CSGALNACT1: variants seen among roughly 807,000 people sequenced by gnomAD.
CSGALNACT1 encodes the protein beta4GalNAcT-1.
In CSGALNACT1, 52 loss-of-function variants were observed where a neutral mutation model predicts 51.0. The ratio of observed to expected loss-of-function variants is 1.02; its 90% CI spans 0.82 to 1.29. The LOEUF (loss-of-function observed/expected upper bound fraction) is 1.29, where lower values mean the gene tolerates loss of function less well. Ranked by LOEUF, CSGALNACT1 falls within the 50% of genes most tolerant of loss-of-function variation. CSGALNACT1 has a pLI of 0.00. For missense variants in CSGALNACT1, 935 were observed against 679.2 expected, an observed-to-expected ratio of 1.38 and a Z score of -4.19; for synonymous variants, 341 against 254.4, an observed-to-expected ratio of 1.34 and a Z score of -3.24.
intron 3 of CSGALNACT1, among the ~76,000 whole-genome samples, chr8:19,508,113 G>C (rs2077723349): frequency 6.6e-6 from 1 of 152,198 alleles, no homozygotes; most frequent in South Asian, 2.1e-4. Context: ...TTTACTGGTA[G>C]TCTATCCTAT....
intron 1 of CSGALNACT1, among the ~76,000 whole-genome samples, chr8:19,615,552 A>G (rs1314132836): frequency 6.6e-6 from 1 of 152,260 alleles, no homozygotes; most frequent in Non-Finnish European, 1.5e-5. Context: ...TATAAGCCAT[A>G]TAACTAAAGC....
At chr8:19,632,556 T>A (rs2055419319) in intron 1 of CSGALNACT1, among the ~76,000 whole-genome samples, 1 of 152,234 alleles carries the variant, frequency 6.6e-6, no homozygotes, top group South Asian at 2.1e-4. Flanking sequence ...GGACGGTAAG[T>A]TTAATTACTT....
chr8:19,693,384 CT>C (rs2061428552), intron 1 of CSGALNACT1, among the ~76,000 whole-genome samples: 1 of 152,092 alleles, frequency 6.6e-6, no homozygotes, highest in Admixed American at 6.6e-5. Context: ...TTCTACCAGC[CT>C]TTGTCATAGT....
chr8:19,405,046 A>T (rs920848602), exon 10 of CSGALNACT1: 2 of 453,342 alleles, frequency 4.4e-6, no homozygotes, highest in South Asian at 3.1e-5. Flanking sequence ...ATCTCAAAGT[A>T]TCTTCTTAAA....
In CSGALNACT1 at chr8:19,534,289, C is replaced by CA. The variant is rs1320985580; in HGVS notation, c.-296-28160dup. Among the ~76,000 whole-genome samples, 8 of 151,764 alleles carry CA rather than the reference C, an allele frequency of 5.3e-5. No homozygotes were observed. In the East Asian group the frequency reaches 1.2e-3, roughly 22 times the overall value. On this transcript the variant is annotated intron_variant, in intron 3 of 9. Coordinates refer to ENST00000454498, the Ensembl canonical transcript of CSGALNACT1. ...CAACACTGTGACACCTCATCTCTAC[C>CA]AAAAAAATACAGAAATTAGCCAGGT...
At chr8:19,657,779 C>T (rs952147766) in intron 1 of CSGALNACT1, among the ~76,000 whole-genome samples, 8 of 152,030 alleles carry the variant, frequency 5.3e-5, no homozygotes, top group Non-Finnish European at 7.4e-5. Flanking sequence ...ACGTAGCATG[C>T]GGGAGGAAAT....
At chr8:19,475,934 A>G (rs1265581750) in intron 4 of CSGALNACT1, among the ~76,000 whole-genome samples, 1 of 152,158 alleles carries the variant, frequency 6.6e-6, no homozygotes, top group East Asian at 1.9e-4. Context: ...CAAAGCCTCC[A>G]TTTCCACAAC....
intron 1 of CSGALNACT1, among the ~76,000 whole-genome samples, chr8:19,682,051 G>A (rs1043378495): frequency 4.8e-4 from 73 of 152,332 alleles, no homozygotes; most frequent in African/African-American, 1.6e-3. Flanking sequence ...CTGTACCACA[G>A]AAAGATTTTG....
intron 3 of CSGALNACT1, among the ~76,000 whole-genome samples, chr8:19,548,965 C>T (rs1222463144): frequency 1.3e-5 from 2 of 151,942 alleles, no homozygotes. Flanking sequence ...ACTACAGGTG[C>T]ATGCCACCAT....
intron 1 of CSGALNACT1, among the ~76,000 whole-genome samples, chr8:19,616,349 C>T (rs1009997672): frequency 3.3e-5 from 5 of 152,082 alleles, no homozygotes; most frequent in Admixed American, 3.3e-4. Context: ...ATTCAGGCAT[C>T]CAGACACTCA....
intron 5 of CSGALNACT1, among the ~76,000 whole-genome samples, chr8:19,443,139 TTG>T (rs1423511204): frequency 6.6e-6 from 1 of 152,144 alleles, no homozygotes; most frequent in Non-Finnish European, 1.5e-5. Flanking sequence ...CATCAGCTAT[TTG>T]TGTTTTGCCC....
intron 4 of CSGALNACT1, among the ~76,000 whole-genome samples, chr8:19,487,990 TCA>T (rs2073395050): frequency 6.6e-6 from 1 of 152,090 alleles, no homozygotes. Context: ...CCCTCTCACC[TCA>T]CATACTGTAA....
intron 5 of CSGALNACT1, chr8:19,457,687 A>T: frequency 7.6e-7 from 1 of 1,310,314 alleles, no homozygotes; most frequent in Non-Finnish European, 1.0e-6. Context: ...TATGTTTAAA[A>T]CAAGCTGGTG....
At chr8:19,468,385 C>G (rs1271839057) in intron 4 of CSGALNACT1, among the ~76,000 whole-genome samples, 1 of 152,198 alleles carries the variant, frequency 6.6e-6, no homozygotes, top group East Asian at 1.9e-4. Flanking sequence ...CGACGTGGAG[C>G]GGGACGAGGG....
intron 3 of CSGALNACT1, among the ~76,000 whole-genome samples, chr8:19,510,288 G>A (rs1037249212): frequency 2.0e-5 from 3 of 152,108 alleles, no homozygotes; most frequent in Non-Finnish European, 4.4e-5. Flanking sequence ...ACAAAACAAT[G>A]GGAGAAGGCT....
intron 3 of CSGALNACT1, among the ~76,000 whole-genome samples, chr8:19,539,935 G>C (rs1049032938): frequency 6.6e-6 from 1 of 152,132 alleles, no homozygotes; most frequent in Non-Finnish European, 1.5e-5. Flanking sequence ...AGAGGAGTTG[G>C]GGTGAGTAGC....
At chr8:19,729,272 G>C (rs141580484) in intron 1 of CSGALNACT1, among the ~76,000 whole-genome samples, 2 of 152,256 alleles carry the variant, frequency 1.3e-5, no homozygotes, top group Non-Finnish European at 1.5e-5. Context: ...TCTAATACTT[G>C]CTTATTCATT....
chr8:19,494,898 G>T (rs375534142), intron 4 of CSGALNACT1: 1 of 136,026 alleles, frequency 7.4e-6, no homozygotes, highest in South Asian at 2.8e-4. Context: ...GGGGGCGGGG[G>T]GCAGGAGGGT....
At chr8:19,741,777 T>C (rs1230801599) in intron 1 of CSGALNACT1, among the ~76,000 whole-genome samples, 1 of 151,862 alleles carries the variant, frequency 6.6e-6, no homozygotes, top group East Asian at 1.9e-4. Flanking sequence ...AAGAAACGGC[T>C]GATCATATGG....
Sources: allele counts gnomAD v4.1 joint callset (sites outside exome capture counted in the v4.1 genomes callset), GRCh38; gene constraint gnomAD v4.1.1; transcripts MANE v1.5; gene names NCBI Gene and HGNC (gene_info 2026-07-23, HGNC 2026-07-21).